PRR5L: variants seen among roughly 807,000 people sequenced by gnomAD.
PRR5L encodes proline rich 5 like.
PRR5L carries 21 observed loss-of-function variants against 36.4 expected under a neutral mutation model. The observed-to-expected ratio is 0.58, with a 90% CI of 0.41 to 0.83. The LOEUF (loss-of-function observed/expected upper bound fraction) is 0.83, where lower values mean the gene tolerates loss of function less well. Ranked by LOEUF, PRR5L falls within the 40% of genes least tolerant of loss-of-function variation. The probability of loss-of-function intolerance (pLI) is 0.00; values close to 1 mark genes in which losing one functional copy is unlikely to be tolerated. For missense variants in PRR5L, 381 were observed against 473.3 expected (o/e 0.80, Z 1.81); for synonymous variants, 188 against 197.0 (o/e 0.95, Z 0.38).
chr11:36,428,963 T>A (rs1304992487), intron 4 of PRR5L, among the ~76,000 whole-genome samples: 1 of 152,238 alleles, frequency 6.6e-6, no homozygotes, highest in Non-Finnish European at 1.5e-5. Flanking sequence ...AGAATTTCCA[T>A]GCTGTGTATT....
In PRR5L at chr11:36,371,639, T is replaced by C. The variant is rs530422655; in HGVS notation, c.-125-29358T>C. Among the ~76,000 whole-genome samples, 3 of 152,342 alleles carry C rather than the reference T, an allele frequency of 2.0e-5. No homozygotes were observed. The East Asian group carries it at 5.8e-4, about 29-fold the overall frequency. ...TGGGAGGATATATGTTTTTCTTCAT[T>C]GGAATACTTTTATATCATAGTATGA... On this transcript the variant is annotated intron_variant, in intron 1 of 8. Transcript: ENST00000530639.
intron 7 of PRR5L, 25 bp from the exon 8 acceptor site, chr11:36,451,184 T>G: frequency 1.9e-6 from 3 of 1,613,274 alleles, no homozygotes; most frequent in Non-Finnish European, 2.5e-6. Flanking sequence ...CTGACCTTTG[T>G]GTATCTTGGC....
chr11:36,351,431 TTATA>T (rs1158602440), intron 1 of PRR5L, among the ~76,000 whole-genome samples: 1 of 54,386 alleles, frequency 1.8e-5, no homozygotes, highest in Non-Finnish European at 3.1e-5. Context: ...ATTTATATAT[TTATA>T]TATACATATA....
At chr11:36,417,300 G>A (rs1221401350) in intron 3 of PRR5L, among the ~76,000 whole-genome samples, 1 of 152,182 alleles carries the variant, frequency 6.6e-6, no homozygotes. Context: ...TTTGTTAGGA[G>A]GTGTTTCTCC....
chr11:36,418,710 T>G (rs969006357), intron 3 of PRR5L, among the ~76,000 whole-genome samples: 2 of 151,768 alleles, frequency 1.3e-5, no homozygotes, highest in African/African-American at 2.4e-5. Context: ...GCAGGAGAAT[T>G]GCATGAACCC....
At chr11:36,417,514 A>T (rs1258137806) in intron 3 of PRR5L, among the ~76,000 whole-genome samples, 4 of 145,242 alleles carry the variant, frequency 2.8e-5, no homozygotes, top group Non-Finnish European at 1.5e-5. Flanking sequence ...ATCTGAGAGA[A>T]CTCCTGGGTT....
chr11:36,404,936 G>A (rs1047345213), intron 3 of PRR5L, among the ~76,000 whole-genome samples: 2 of 152,178 alleles, frequency 1.3e-5, no homozygotes, highest in Admixed American at 1.3e-4. Flanking sequence ...ACGTTGCGAA[G>A]TTTCATTTTT....
intron 1 of PRR5L, among the ~76,000 whole-genome samples, chr11:36,352,793 C>T (rs1230576114): frequency 3.3e-5 from 5 of 152,146 alleles, no homozygotes; most frequent in Non-Finnish European, 5.9e-5. Context: ...ACCCTGATAC[C>T]AGTGTTCTCA....
chr11:36,432,592 T>C (rs1448772155), intron 5 of PRR5L, among the ~76,000 whole-genome samples: 1 of 152,162 alleles, frequency 6.6e-6, no homozygotes, highest in Admixed American at 6.5e-5. Context: ...TTTGGTTAGT[T>C]ACTAGTTTCT....
chr11:36,397,514 T>A (rs1857690674), intron 1 of PRR5L, among the ~76,000 whole-genome samples: 1 of 123,156 alleles, frequency 8.1e-6, no homozygotes, highest in South Asian at 2.9e-4. Flanking sequence ...TGGAGTGCAG[T>A]GGTGCCATCT....
chr11:36,307,499 C>T (rs112907097), intron 1 of PRR5L, among the ~76,000 whole-genome samples: 1 of 152,296 alleles, frequency 6.6e-6, no homozygotes, highest in East Asian at 1.9e-4. Context: ...CTTCTTTCCA[C>T]CTCTCTGCTC....
intron 1 of PRR5L, among the ~76,000 whole-genome samples, chr11:36,372,351 C>T (rs1204330521): frequency 6.6e-6 from 1 of 152,098 alleles, no homozygotes; most frequent in African/African-American, 2.4e-5. Flanking sequence ...TCTGGAAGAA[C>T]AGAATCTGAA....
At position 36,420,759 on chromosome 11, in the gene PRR5L, A is replaced by G. The variant is rs934341269; in HGVS notation, c.294+1456A>G. Among the ~76,000 whole-genome samples the G allele has an allele frequency of 4.0e-5, 6 of 151,890 alleles. 1 individual carries two copies. Among genetic ancestry groups the G allele is most frequent in the Admixed American group, 3.3e-4 (5 of 15,244 alleles). ...TTGAAAACAGTACAGGCATCCTTTT[A>G]TAATTTTTCTTTATGAGATTCAGGA... On this transcript the variant is annotated intron_variant, in intron 4 of 8. Coordinates refer to ENST00000530639, the MANE Select transcript of PRR5L (RefSeq NM_001160167.2).
At chr11:36,365,547 G>A (rs1042661815) in intron 1 of PRR5L, among the ~76,000 whole-genome samples, 2 of 151,830 alleles carry the variant, frequency 1.3e-5, no homozygotes, top group South Asian at 2.1e-4. Flanking sequence ...CTTAATATAC[G>A]ACTGCATTTT....
chr11:36,395,202 C>G (rs1857633654), intron 1 of PRR5L, among the ~76,000 whole-genome samples: 1 of 152,166 alleles, frequency 6.6e-6, no homozygotes, highest in East Asian at 1.9e-4. Flanking sequence ...AATATCTACC[C>G]ATAGGGGACT....
chr11:36,303,039 A>G (rs571983978), intron 1 of PRR5L, among the ~76,000 whole-genome samples: 1 of 152,322 alleles, frequency 6.6e-6, no homozygotes, highest in South Asian at 2.1e-4. Flanking sequence ...TCCTGGCTCC[A>G]GAGCCCACGC....
In PRR5L at chr11:36,462,554, C is replaced by T; in HGVS notation, c.925C>T (p.His309Tyr). ...GCTGCTGGCCATGGCCACCATGATG[C>T]ACTCGGGCCTGGGGGAGGAGGCCAG... is the stretch of plus-strand genomic sequence containing the variant. ...IQLLAMATMM[H>Y]SGLGEEASSE... Residue 309 changes from histidine (H) to tyrosine (Y), a missense_variant, in exon 9 of 9, where the codon CAC (histidine) becomes TAC (tyrosine). Coordinates refer to ENST00000530639, the MANE Select transcript of PRR5L (RefSeq NM_001160167.2). 1 of 1,611,756 alleles carries T rather than the reference C, an allele frequency of 6.2e-7. No homozygotes were observed. The highest frequency in any genetic ancestry group is 1.1e-5 in the South Asian group (1 of 90,738).
At chr11:36,398,475 TG>T (rs1857716876) in intron 1 of PRR5L, 1 of 152,348 alleles carries the variant, frequency 6.6e-6, no homozygotes, top group Admixed American at 6.5e-5. Flanking sequence ...TGTGCTGCTC[TG>T]GGGAGGTCTC....
intron 6 of PRR5L, among the ~76,000 whole-genome samples, chr11:36,443,767 A>G (rs1858771648): frequency 6.6e-6 from 1 of 152,204 alleles, no homozygotes; most frequent in African/African-American, 2.4e-5. Context: ...TGAGTTGACA[A>G]TGGGTGACTG....
Sources: gnomAD v4.1 joint callset for allele counts (sites outside exome capture counted in the v4.1 genomes callset) on GRCh38, gnomAD v4.1.1 for gene constraint, MANE v1.5 for transcripts, NCBI Gene and HGNC (gene_info 2026-07-23, HGNC 2026-07-21) for gene names.